Variants in AHCY observed in about 807,000 individuals in gnomAD.
The protein encoded by AHCY is S-adenosyl-L-homocysteine hydrolase.
Under a neutral mutation model 45.4 loss-of-function variants are expected in AHCY, and 24 were observed. The ratio of observed to expected loss-of-function variants is 0.53; its 90% confidence interval spans 0.38 to 0.74. AHCY has a LOEUF of 0.74. AHCY is among the 30% of genes least tolerant of loss of function. The pLI, the probability that AHCY is intolerant of heterozygous loss-of-function variation, is 0.00. For missense variants in AHCY, 449 were observed against 594.1 expected, an observed-to-expected ratio of 0.76 and a Z score of 2.54; for synonymous variants, 245 against 235.1, an observed-to-expected ratio of 1.04 and a Z score of -0.39.
intron 1 of AHCY, among the ~76,000 whole-genome samples, chr20:34,300,559 ACCT>A (rs2122816532): frequency 7.9e-6 from 1 of 126,540 alleles, no homozygotes; most frequent in African/African-American, 5.7e-5. Context: ...CCTCTCAAGC[ACCT>A]AATACAGTAC....
At chr20:34,278,340 A>G (rs1178419778), downstream of AHCY, among the ~76,000 whole-genome samples, 1 of 152,222 alleles carries the variant, frequency 6.6e-6, no homozygotes, top group Non-Finnish European at 1.5e-5. Flanking sequence ...GGGATCTGGC[A>G]GGAGGAAGCA....
At chr20:34,273,795 G>A in the AHCY span, among the ~76,000 whole-genome samples, 5 of 152,234 alleles carry the variant, frequency 3.3e-5, no homozygotes, top group East Asian at 1.9e-4. Context: ...TGTTGGGAGC[G>A]GGTATTGGGT....
At chr20:34,297,855 T>C (rs1030626937) in intron 1 of AHCY, among the ~76,000 whole-genome samples, 2 of 151,942 alleles carry the variant, frequency 1.3e-5, no homozygotes, top group Admixed American at 1.3e-4. Context: ...CACAGATGAG[T>C]TGAATGGGCG....
chr20:34,259,228 A>C, the AHCY span, among the ~76,000 whole-genome samples: 6 of 149,896 alleles, frequency 4.0e-5, no homozygotes, highest in Non-Finnish European at 8.9e-5. Flanking sequence ...ATGACAACAG[A>C]AAAAAACTAT....
chr20:34,240,257 A>T, the AHCY span, among the ~76,000 whole-genome samples: 1 of 152,356 alleles, frequency 6.6e-6, no homozygotes, highest in Admixed American at 6.5e-5. Flanking sequence ...CTACTAAACT[A>T]GTCTTGGGGT....
In AHCY at chr20:34,288,687, T is replaced by A. The variant is rs183724419; in HGVS notation, c.972+1645A>T. The stretch of plus-strand genomic sequence containing the variant: ...CCATCTCAAAAAAAGAAAAAAAAAA[T>A]GATGAACATCTCTACATACATATTT... On this transcript the variant is annotated intron_variant, in intron 8 of 9. Coordinates refer to ENST00000217426, the MANE Select transcript of AHCY (RefSeq NM_000687.4). Among the ~76,000 whole-genome samples the A allele has an allele frequency of 4.7e-3, 718 of 151,572 alleles. 21 individuals carry two copies. The highest frequency in any genetic ancestry group is 0.036 in the Admixed American group (552 of 15,208).
downstream of AHCY, among the ~76,000 whole-genome samples, chr20:34,279,421 GAA>G (rs753050895): frequency 1.5e-5 from 2 of 129,560 alleles, no homozygotes; most frequent in Admixed American, 1.6e-4. Context: ...AGACTGTCTA[GAA>G]AAAAAAAAAA....
At chr20:34,265,268 A>G in the AHCY span, among the ~76,000 whole-genome samples, 1 of 152,168 alleles carries the variant, frequency 6.6e-6, no homozygotes, top group South Asian at 2.1e-4. Flanking sequence ...CACACCTATA[A>G]TCCCAGCACT....
At chr20:34,235,852 G>GA in the AHCY span, among the ~76,000 whole-genome samples, 4 of 39,656 alleles carry the variant, frequency 1.0e-4, no homozygotes, top group African/African-American at 1.4e-3. Context: ...AAGGAAGGAA[G>GA]GAAGGAAGGA....
At chr20:34,302,894 A>T (rs1198823675) in intron 1 of AHCY, 1 of 985,280 alleles carries the variant, frequency 1.0e-6, no homozygotes, top group Non-Finnish European at 1.2e-6. Context: ...CAGGCCTAGG[A>T]GGCCGGGCGC....
chr20:34,260,028 T>C, the AHCY span, among the ~76,000 whole-genome samples: 1 of 152,012 alleles, frequency 6.6e-6, no homozygotes, highest in Admixed American at 6.6e-5. Flanking sequence ...TGCCCAGGCC[T>C]GGGGTCTCCT....
chr20:34,298,607 G>GA (rs1348994769), intron 1 of AHCY, among the ~76,000 whole-genome samples: 1 of 135,818 alleles, frequency 7.4e-6, no homozygotes, highest in Admixed American at 6.9e-5. Context: ...GGCGGCGGCG[G>GA]GAGGGGGGGG....
At chr20:34,244,397 A>T in the AHCY span, among the ~76,000 whole-genome samples, 405 of 152,300 alleles carry the variant, frequency 2.7e-3, 3 homozygotes, top group East Asian at 1.7e-3. Context: ...TAGCCAGAAT[A>T]AGAACCTCTA....
At chr20:34,272,895 G>A in the AHCY span, among the ~76,000 whole-genome samples, 1 of 152,132 alleles carries the variant, frequency 6.6e-6, no homozygotes, top group African/African-American at 2.4e-5. Context: ...AGAATTCAGG[G>A]AAACACACCA....
At chr20:34,285,961 C>A in intron 8 of AHCY, 1 of 338,560 alleles carries the variant, frequency 3.0e-6, no homozygotes. Context: ...AAAAATTAGC[C>A]GGGCGTGGTA....
At chr20:34,256,551 C>G in the AHCY span, among the ~76,000 whole-genome samples, 1 of 152,180 alleles carries the variant, frequency 6.6e-6, no homozygotes, top group African/African-American at 2.4e-5. Context: ...AATCCTCCTC[C>G]TGTGGCTTCC....
the AHCY span, among the ~76,000 whole-genome samples, chr20:34,236,230 G>A: frequency 6.6e-6 from 1 of 151,904 alleles, no homozygotes; most frequent in African/African-American, 2.4e-5. Flanking sequence ...GCTCTAGGTG[G>A]TTTAAATGAT....
the AHCY span, among the ~76,000 whole-genome samples, chr20:34,259,437 T>C: frequency 2.6e-5 from 4 of 151,990 alleles, no homozygotes; most frequent in South Asian, 4.2e-4. Flanking sequence ...CTCTTGAACC[T>C]GGGAGGAGGA....
the AHCY span, chr20:34,268,880 C>A: frequency 2.2e-6 from 3 of 1,370,426 alleles, no homozygotes; most frequent in Admixed American, 4.2e-5. Flanking sequence ...GGCAAGCCAG[C>A]GGGGAAACCT....
Sources: gnomAD v4.1 joint callset for allele counts (sites outside exome capture counted in the v4.1 genomes callset) on GRCh38, gnomAD v4.1.1 for gene constraint, MANE v1.5 for transcripts, NCBI Gene and HGNC (gene_info 2026-07-23, HGNC 2026-07-21) for gene names.